PIGG: variants seen among roughly 807,000 people sequenced by gnomAD.
PIGG encodes the protein phosphatidylinositol glycan anchor biosynthesis class G (EMM blood group), also known as GPI ethanolamine phosphate transferase 2, catalytic subunit.
Under a neutral mutation model 83.2 loss-of-function variants are expected in PIGG, and 70 were observed. That is an observed-to-expected ratio of 0.84 (90% CI 0.69 to 1.03). The LOEUF (loss-of-function observed/expected upper bound fraction) is 1.03. PIGG is among the 50% of genes least tolerant of loss of function. The pLI, the probability that PIGG is intolerant of heterozygous loss-of-function variation, is 0.00. For missense variants in PIGG, 1,257 were observed against 1,233.6 expected, an observed-to-expected ratio of 1.02 and a Z score of -0.28; for synonymous variants, 532 against 519.5, an observed-to-expected ratio of 1.02 and a Z score of -0.33.
At chr4:527,013 T>C (rs1362368761) in intron 9 of PIGG, 26 bp from the exon 10 acceptor site, 1 of 1,613,964 alleles carries the variant, frequency 6.2e-7, no homozygotes, top group Admixed American at 1.7e-5. Flanking sequence ...GTTTACGTAA[T>C]GCTGGCATTT....
intron 10 of PIGG, 149 bp from the exon 11 acceptor site, chr4:530,287 G>A (rs911787807): frequency 4.8e-6 from 3 of 627,454 alleles, no homozygotes; most frequent in South Asian, 2.0e-5. Flanking sequence ...ACAGGACCTG[G>A]GGGGTAGGGA....
Position 539,248 on chromosome 4 carries a change from A to T in PIGG, c.2831A>T (p.His944Leu), listed in dbSNP as rs1362966462. The change falls in exon 13 of 13, where the codon CAT becomes CTT. Residue 944 changes from histidine to leucine, a missense_variant. Coordinates refer to ENST00000453061, the MANE Select transcript of PIGG (RefSeq NM_001127178.3). ...YIVLVTSLRY[H>L]LFIWSVFSPK... is the part of the protein sequence containing the mutation. ...GTTTTGGTGACATCTCTGCGTTATC[A>T]TTTATTTATATGGAGTGTATTTTCT... is the stretch of plus-strand genomic sequence containing the variant. 1 of 1,611,686 alleles carries T rather than the reference A, an allele frequency of 6.2e-7. No homozygotes were observed. Among genetic ancestry groups the T allele is most frequent in the African/African-American group, 1.3e-5 (1 of 74,822 alleles).
At chr4:502,709 G>A (rs1313648556) in intron 2 of PIGG, among the ~76,000 whole-genome samples, 1 of 152,060 alleles carries the variant, frequency 6.6e-6, no homozygotes, top group African/African-American at 2.4e-5. Flanking sequence ...CTGGGATGAG[G>A]GGATGCCAAG....
intron 11 of PIGG, 149 bp from the exon 12 acceptor site, chr4:533,669 C>T (rs919540763): frequency 4.3e-6 from 3 of 691,520 alleles, no homozygotes; most frequent in African/African-American, 1.8e-5. Flanking sequence ...AACGGCTGGG[C>T]AGCCACCTCT....
At chr4:533,514 T>C in intron 11 of PIGG, 1 of 388,756 alleles carries the variant, frequency 2.6e-6, no homozygotes, top group Admixed American at 3.6e-5. Flanking sequence ...TGTGGCACAG[T>C]CAGCCAGCCG....
At chr4:529,297 A>T (rs1272587075) in intron 10 of PIGG, among the ~76,000 whole-genome samples, 1 of 152,184 alleles carries the variant, frequency 6.6e-6, no homozygotes. Context: ...AGATGGGCCT[A>T]TAATTCACTC....
At chr4:529,182 C>CCCTG (rs1180210009) in intron 10 of PIGG, among the ~76,000 whole-genome samples, 12 of 152,222 alleles carry the variant, frequency 7.9e-5, no homozygotes, top group Admixed American at 6.5e-4. Flanking sequence ...CTGCTCATCA[C>CCCTG]CCTGCCTGCC....
chr4:519,682 G>A (rs528176084), intron 6 of PIGG, among the ~76,000 whole-genome samples: 186 of 151,988 alleles, frequency 1.2e-3, no homozygotes, highest in Middle Eastern at 3.4e-3. Flanking sequence ...ACCTGGTGCC[G>A]GCAGCAGTGG....
Position 528,306 on chromosome 4 carries a change from T to C in PIGG, c.2261+1076T>C. 2 of 983,978 alleles carry C rather than the reference T, an allele frequency of 2.0e-6. No individual in the cohort carries two copies. The highest frequency in any genetic ancestry group is 2.4e-6 in the Non-Finnish European group (2 of 828,602). The allele number at this position is 983,978 out of a possible 1,614,324, so 61.0% of individuals were successfully genotyped here. The stretch of plus-strand genomic sequence containing the variant: ...ATATTTAGGACCTGAAATCATAAGA[T>C]TGTGGTCTTGCTTTTTACTTATTTT... On this transcript the variant is annotated intron_variant, in intron 10 of 12. Coordinates refer to ENST00000453061, the MANE Select transcript of PIGG (RefSeq NM_001127178.3). The surrounding 1 kb of genome is among the most constrained non-coding windows in gnomAD (Gnocchi z 4.8).
At position 536,163 on chromosome 4, in the gene PIGG, C is replaced by G. The variant is rs1185255336; in HGVS notation, c.2735+2182C>G. On this transcript the variant is annotated intron_variant, in intron 12 of 12. Coordinates refer to ENST00000453061, the MANE Select transcript of PIGG (RefSeq NM_001127178.3). ...GTTCGTGCCCCGCAGACTCGGCGGG[C>G]CCGGGCTGGACCCCTCAGTCGCTCA... The G allele has an allele frequency of 1.3e-5, 2 of 152,400 alleles. 1 individual carries two copies. The highest frequency in any genetic ancestry group is 2.9e-5 in the Non-Finnish European group (2 of 68,164). 9.4% of individuals were successfully genotyped at this position (152,400 alleles called of 1,614,324 possible).
chr4:500,784 G>T (rs921108250), intron 2 of PIGG, among the ~76,000 whole-genome samples, 183 bp downstream of exon 2: 4 of 152,158 alleles, frequency 2.6e-5, no homozygotes, highest in Non-Finnish European at 5.9e-5. Flanking sequence ...CCCATCATTT[G>T]TGCCCCATGT....
chr4:522,045 G>C lies in PIGG; in HGVS notation c.1614+104G>C, dbSNP rs757984272. ...TTACCAGACTCTGGTTGAACACCTG[G>C]TGTGTGCCACGTGCTGGCAGTGCCC... On this transcript the variant is annotated intron_variant, in intron 8 of 12. Transcript: ENST00000453061. The C allele has an allele frequency of 1.8e-5, 23 of 1,269,746 alleles. 2 individuals carry two copies. The South Asian group carries it at 2.8e-4, about 15-fold the overall frequency. 78.7% of individuals were successfully genotyped at this position (1,269,746 alleles called of 1,614,324 possible).
chr4:500,620 T>C lies in PIGG; in HGVS notation c.360+19T>C. Reference sequence around the variant, plus strand: ...AATCAAGGTAAGTTTGCCTTAATGTTTTATGAATCATGGTTTGGCTGTTTT... The same window carrying C: ...AATCAAGGTAAGTTTGCCTTAATGTCTTATGAATCATGGTTTGGCTGTTTT... On this transcript the variant is annotated intron_variant, in intron 2 of 12. Coordinates refer to ENST00000453061, the MANE Select transcript of PIGG (RefSeq NM_001127178.3). 6.8e-7 allele frequency: 1 copy of C among 1,475,452 alleles called. No individual in the cohort carries two copies. The highest frequency in any genetic ancestry group is 9.5e-7 in the Non-Finnish European group (1 of 1,053,676). 91.4% of individuals were successfully genotyped at this position (1,475,452 alleles called of 1,614,324 possible). A position where few individuals can be genotyped will look rare whatever the true frequency, so the allele number is the denominator to read the frequency against.
intron 10 of PIGG, among the ~76,000 whole-genome samples, chr4:529,232 T>C (rs1159474498): frequency 1.3e-5 from 2 of 152,234 alleles, no homozygotes; most frequent in African/African-American, 2.4e-5. Context: ...CCTTTTCTTC[T>C]ATGAAACTTC....
intron 2 of PIGG, 141 bp from the exon 3 acceptor site, chr4:505,577 G>C: frequency 1.7e-6 from 1 of 587,150 alleles, no homozygotes; most frequent in South Asian, 2.1e-5. Context: ...AAGCTGCAGT[G>C]ATCCCTGATT....
At chr4:519,115 C>T (rs1201011665) in intron 6 of PIGG, among the ~76,000 whole-genome samples, 1 of 152,204 alleles carries the variant, frequency 6.6e-6, no homozygotes, top group African/African-American at 2.4e-5. Context: ...AGTTCCTCCC[C>T]ATTACCAAAA....
chr4:520,278 C>T (rs1217768379), intron 6 of PIGG, among the ~76,000 whole-genome samples: 3 of 152,210 alleles, frequency 2.0e-5, no homozygotes, highest in Non-Finnish European at 4.4e-5. Flanking sequence ...CTTTGCAGAC[C>T]AGTCTAATCA....
intron 12 of PIGG, among the ~76,000 whole-genome samples, chr4:537,892 C>T (rs1423685208): frequency 6.6e-6 from 1 of 152,202 alleles, no homozygotes; most frequent in Admixed American, 6.5e-5. Context: ...GAGCAGTGAG[C>T]ACTGAAGCAG....
chr4:538,268 A>AC (rs55815012), intron 12 of PIGG, among the ~76,000 whole-genome samples: 28,428 of 152,100 alleles, frequency 0.19, 3,203 homozygotes, highest in African/African-American at 0.32. Flanking sequence ...TCACAGACTC[A>AC]GGGAAGTTGC....
Sources: allele counts gnomAD v4.1 joint callset (sites outside exome capture counted in the v4.1 genomes callset), GRCh38; gene constraint gnomAD v4.1.1; non-coding constraint Gnocchi (gnomAD v3.1); transcripts MANE v1.5; gene names NCBI Gene and HGNC (gene_info 2026-07-23, HGNC 2026-07-21).